INTS9: variants seen among roughly 807,000 people sequenced by gnomAD.
INTS9 encodes the protein integrator complex subunit 9, also known as protein related to CPSF subunits of 74 kDa.
Under a neutral mutation model 79.7 loss-of-function variants are expected in INTS9, and 55 were observed. The observed-to-expected ratio is 0.69, with a 90% CI of 0.56 to 0.86. INTS9 has a LOEUF of 0.86. INTS9 is among the 40% of genes least tolerant of loss of function. INTS9 has a pLI of 0.00. For synonymous variants in INTS9, 319 were observed against 325.2 expected (o/e 0.98, Z 0.20); for missense variants, 721 against 831.5 (o/e 0.87, Z 1.64).
intron 1 of INTS9, among the ~76,000 whole-genome samples, chr8:28,887,018 T>C (rs1810205461): frequency 6.6e-6 from 1 of 152,224 alleles, no homozygotes; most frequent in African/African-American, 2.4e-5. Flanking sequence ...TATTTACCAA[T>C]TATTTACACA....
chr8:28,857,956 C>T (rs1808264327), intron 2 of INTS9, among the ~76,000 whole-genome samples: 1 of 152,110 alleles, frequency 6.6e-6, no homozygotes, highest in South Asian at 2.1e-4. Context: ...TAACCATTCT[C>T]CTAGTAGAAC....
At chr8:28,803,658 T>C (rs2131002985) in intron 8 of INTS9, among the ~76,000 whole-genome samples, 1 of 152,330 alleles carries the variant, frequency 6.6e-6, no homozygotes, top group African/African-American at 2.4e-5. Flanking sequence ...GAATCCATGA[T>C]GACCTAAGTA....
At chr8:28,839,052 C>T (rs1806997457) in intron 4 of INTS9, among the ~76,000 whole-genome samples, 1 of 152,074 alleles carries the variant, frequency 6.6e-6, no homozygotes, top group Admixed American at 6.5e-5. Flanking sequence ...GAGGAGCTAA[C>T]CCTGGGAAAT....
intron 8 of INTS9, among the ~76,000 whole-genome samples, chr8:28,799,209 T>C (rs1804382202): frequency 6.6e-6 from 1 of 152,142 alleles, no homozygotes; most frequent in African/African-American, 2.4e-5. Context: ...AGCAGGAGAA[T>C]TGTTTGAACC....
Position 28,767,816 on chromosome 8 carries a change from GGGACTGATGCAAGACAGCCA to G in INTS9, c.*310_*329del. ...AGGCTGGCTCCCCTGGCCGAGGCCTGGGACTGATGCAAGACAGCCAGCCAGTCACCTCCGCCTCCCATGAA... is the reference window on the plus strand; with the variant it reads ...AGGCTGGCTCCCCTGGCCGAGGCCTGGCCAGTCACCTCCGCCTCCCATGAA... On this transcript the variant is annotated 3_prime_UTR_variant, in exon 17 of 17. Transcript: ENST00000521022. 1 of 343,322 alleles carries G rather than the reference GGGACTGATGCAAGACAGCCA, an allele frequency of 2.9e-6. No individual in the cohort carries two copies. Among genetic ancestry groups the G allele is most frequent in the Non-Finnish European group, 5.5e-6 (1 of 181,260 alleles). The allele number at this position is 343,322 out of a possible 1,614,324, so 21.3% of individuals were successfully genotyped here. A position where few individuals can be genotyped will look rare whatever the true frequency, so the allele number is the denominator to read the frequency against.
chr8:28,788,096 T>C (rs1803718170), intron 10 of INTS9, among the ~76,000 whole-genome samples: 1 of 152,242 alleles, frequency 6.6e-6, no homozygotes, highest in Non-Finnish European at 1.5e-5. Context: ...CAATACATTT[T>C]TTCTTAAAAT....
At chr8:28,860,142 A>G (rs1231359140) in intron 1 of INTS9, among the ~76,000 whole-genome samples, 12 of 152,224 alleles carry the variant, frequency 7.9e-5, no homozygotes. Context: ...GTGGGAACCT[A>G]CTTCCAGACA....
chr8:28,854,361 A>G (rs912986739), intron 2 of INTS9, among the ~76,000 whole-genome samples: 2 of 152,126 alleles, frequency 1.3e-5, no homozygotes, highest in Admixed American at 1.3e-4. Flanking sequence ...GAGTCATTAC[A>G]CCAGAATAAA....
At chr8:28,792,399 G>T (rs764332082) in intron 10 of INTS9, among the ~76,000 whole-genome samples, 4 of 151,718 alleles carry the variant, frequency 2.6e-5, no homozygotes, top group African/African-American at 9.7e-5. Context: ...ACCTATAGAG[G>T]CAAGAATTTT....
chr8:28,873,233 A>G (rs575086787), intron 1 of INTS9, among the ~76,000 whole-genome samples: 127 of 152,302 alleles, frequency 8.3e-4, no homozygotes, highest in African/African-American at 2.9e-3. Context: ...TGCCAGGCAC[A>G]CAAATAGGTT....
chr8:28,853,588 T>C (rs1807973806), intron 2 of INTS9, among the ~76,000 whole-genome samples: 1 of 152,172 alleles, frequency 6.6e-6, no homozygotes, highest in Non-Finnish European at 1.5e-5. Flanking sequence ...GAAAGATTTA[T>C]TTTTAAAGTA....
chr8:28,775,286 C>T (rs777870275), intron 14 of INTS9, among the ~76,000 whole-genome samples: 1 of 152,154 alleles, frequency 6.6e-6, no homozygotes, highest in African/African-American at 2.4e-5. Context: ...AGTTGAAAAA[C>T]AAGAAGGCCC....
intron 6 of INTS9, among the ~76,000 whole-genome samples, chr8:28,816,494 T>G (rs1805490693): frequency 6.6e-6 from 1 of 151,228 alleles, no homozygotes; most frequent in Non-Finnish European, 1.5e-5. Context: ...CATCATTTTT[T>G]ATGGCTGCAT....
chr8:28,808,369 T>G (rs1157315084), intron 8 of INTS9, among the ~76,000 whole-genome samples: 1 of 152,076 alleles, frequency 6.6e-6, no homozygotes, highest in Non-Finnish European at 1.5e-5. Context: ...ATTTTTGTAT[T>G]TTTAGTAGAG....
rs1327395248 is a variant in INTS9, at chr8:28,813,566, T to C, written c.535A>G (p.Arg179Gly). 1 of 1,613,798 alleles carries C rather than the reference T, an allele frequency of 6.2e-7. No individual in the cohort carries two copies. Among genetic ancestry groups the C allele is most frequent in the Admixed American group, 1.7e-5 (1 of 60,016 alleles). ...ACCTCTTGCATTGTATAGCATCTTC[T>C]CCAGGTTGAGACTTCCACTGCATCC... ...LKDAVEVSTW[R>G]RCYTMQEVNS... The change falls in exon 7 of 17, where the codon AGA (arginine) becomes GGA (glycine). Residue 179 changes from arginine (R) to glycine (G), a missense_variant. Coordinates refer to ENST00000521022, the MANE Select transcript of INTS9 (RefSeq NM_018250.4).
At chr8:28,799,164 C>A (rs560852970) in intron 8 of INTS9, among the ~76,000 whole-genome samples, 1 of 152,152 alleles carries the variant, frequency 6.6e-6, no homozygotes, top group East Asian at 1.9e-4. Flanking sequence ...GGCGTGCTGG[C>A]GGGCACCTGT....
chr8:28,803,674 C>T (rs990605335), intron 8 of INTS9, among the ~76,000 whole-genome samples: 4 of 152,266 alleles, frequency 2.6e-5, no homozygotes, highest in Admixed American at 2.6e-4. Context: ...AAGTAAAGTT[C>T]ACTATACAGT....
At chr8:28,785,926 C>T (rs921146629) in intron 11 of INTS9, among the ~76,000 whole-genome samples, 39 of 152,194 alleles carry the variant, frequency 2.6e-4, no homozygotes, top group Middle Eastern at 3.2e-3. Flanking sequence ...GGATTTTTTA[C>T]AAGGTGAACA....
intron 6 of INTS9, among the ~76,000 whole-genome samples, chr8:28,815,558 G>A (rs548374189): frequency 1.6e-4 from 25 of 152,080 alleles, no homozygotes; most frequent in Non-Finnish European, 2.9e-4. Context: ...TTTGGATTTG[G>A]GATGCTCAAT....
Sources: gnomAD v4.1 joint callset for allele counts (sites outside exome capture counted in the v4.1 genomes callset) on GRCh38, gnomAD v4.1.1 for gene constraint, MANE v1.5 for transcripts, NCBI Gene and HGNC (gene_info 2026-07-23, HGNC 2026-07-21) for gene names.